The following MAPK8 variants were observed in gnomAD, a reference collection of about 807,000 sequenced individuals.
MAPK8 encodes the protein mitogen-activated protein kinase 8, also known as JUN N-terminal kinase.
Under a neutral mutation model 52.9 loss-of-function variants are expected in MAPK8, and 13 were observed. The observed-to-expected ratio is 0.25, with a 90% CI of 0.16 to 0.39. The LOEUF (loss-of-function observed/expected upper bound fraction) is 0.39, where lower values mean the gene tolerates loss of function less well. Among genes scored for constraint, MAPK8 ranks in the 10% least tolerant of loss-of-function variants. MAPK8 has a pLI of 1.00. For synonymous variants in MAPK8, 191 were observed against 169.8 expected (o/e 1.12, Z -0.97); for missense variants, 300 against 519.2 (o/e 0.58, Z 4.10).
rs2043018409 is a variant in MAPK8, at chr10:48,415,536, C to A, written c.451-4619C>A. Among the ~76,000 whole-genome samples, 5 of 152,310 alleles carry A rather than the reference C, an allele frequency of 3.3e-5. No homozygotes were observed. In the South Asian group the frequency reaches 1.0e-3, roughly 32 times the overall value. On this transcript the variant is annotated intron_variant, in intron 5 of 11. Transcript: ENST00000374189. ...GATTTTGGCAGCACACAAGGCTCAA[C>A]AACAACTGCGTATTTCCATAACACA...
chr10:48,407,926 A>G (rs755966367), intron 3 of MAPK8, among the ~76,000 whole-genome samples: 6 of 152,172 alleles, frequency 3.9e-5, no homozygotes, highest in Admixed American at 2.0e-4. Flanking sequence ...CCTATTGTGC[A>G]TTGCATGCGG....
At chr10:48,314,926 C>T (rs1176601668) in intron 1 of MAPK8, among the ~76,000 whole-genome samples, 3 of 152,152 alleles carry the variant, frequency 2.0e-5, no homozygotes, top group Non-Finnish European at 2.9e-5. Flanking sequence ...TCCATTTGTC[C>T]CTACACCATT....
At chr10:48,345,234 G>T (rs1031682123) in intron 1 of MAPK8, among the ~76,000 whole-genome samples, 4 of 152,106 alleles carry the variant, frequency 2.6e-5, no homozygotes, top group Non-Finnish European at 5.9e-5. Flanking sequence ...GGAACTTCCG[G>T]TTTCATTGCT....
chr10:48,391,542 G>A (rs374426806), intron 1 of MAPK8, among the ~76,000 whole-genome samples: 1 of 152,136 alleles, frequency 6.6e-6, no homozygotes, highest in Non-Finnish European at 1.5e-5. Flanking sequence ...AACTCAAAGT[G>A]CTTTTTTTCT....
chr10:48,311,341 G>A (rs1446630452), intron 1 of MAPK8, among the ~76,000 whole-genome samples: 1 of 152,222 alleles, frequency 6.6e-6, no homozygotes, highest in South Asian at 2.1e-4. Flanking sequence ...TTTAAAATTC[G>A]ATCATCTCAT....
chr10:48,357,866 T>C (rs1467649833), intron 1 of MAPK8, among the ~76,000 whole-genome samples: 1 of 152,204 alleles, frequency 6.6e-6, no homozygotes, highest in Non-Finnish European at 1.5e-5. Flanking sequence ...CTCATTCCCC[T>C]GTCCCATTTC....
chr10:48,318,693 G>A (rs1842722450), intron 1 of MAPK8, among the ~76,000 whole-genome samples: 1 of 152,088 alleles, frequency 6.6e-6, no homozygotes, highest in Non-Finnish European at 1.5e-5. Context: ...AAGAGTCTGA[G>A]GTATTAAAAA....
At chr10:48,381,134 ATAT>A (rs754272575) in intron 1 of MAPK8, among the ~76,000 whole-genome samples, 2 of 152,222 alleles carry the variant, frequency 1.3e-5, no homozygotes, top group African/African-American at 2.4e-5. Flanking sequence ...TTGTATCAGT[ATAT>A]TATTAATATT....
At chr10:48,333,371 C>T (rs558156668) in intron 1 of MAPK8, among the ~76,000 whole-genome samples, 68 of 152,226 alleles carry the variant, frequency 4.5e-4, no homozygotes, top group Non-Finnish European at 8.4e-4. Context: ...TCTCCTCTAC[C>T]AGCAGGTCTG....
In MAPK8 at chr10:48,341,583, G is replaced by C. The variant is rs1845267890; in HGVS notation, c.-50+34762G>C. Among the ~76,000 whole-genome samples the C allele has an allele frequency of 1.3e-5, 2 of 152,190 alleles. 1 individual carries two copies. Among genetic ancestry groups the C allele is most frequent in the Admixed American group, 1.3e-4 (2 of 15,274 alleles). On this transcript the variant is annotated intron_variant, in intron 1 of 11. Transcript: ENST00000374189. ...TATAGTAGATTTCATTTTTCAATTG[G>C]TAAATACTGTTTGGTGCTTATTATG...
chr10:48,424,585 C>T (rs576809977), intron 7 of MAPK8: 22 of 1,575,950 alleles, frequency 1.4e-5, no homozygotes, highest in Middle Eastern at 1.7e-4. Context: ...AGGTACAGAT[C>T]GTATCCTTAT....
intron 1 of MAPK8, among the ~76,000 whole-genome samples, chr10:48,379,787 AAT>A (rs1491184047): frequency 2.0e-5 from 3 of 152,140 alleles, no homozygotes; most frequent in African/African-American, 4.8e-5. Context: ...GAATTTTGGA[AAT>A]TTTTACCTAG....
At chr10:48,398,630 TATA>T (rs2042008024) in intron 1 of MAPK8, among the ~76,000 whole-genome samples, 1 of 152,212 alleles carries the variant, frequency 6.6e-6, no homozygotes, top group African/African-American at 2.4e-5. Context: ...CAGCATCATT[TATA>T]ATAACCCTAA....
chr10:48,431,287 G>A lies in MAPK8; in HGVS notation c.1138+17G>A. On this transcript the variant is annotated intron_variant, in intron 11 of 11. Transcript: ENST00000374189. Reference sequence around the variant, plus strand: ...CTCCTTTAGGTTGGTTACAATATAAGCTTGGTTAAGATTACAGTTTACTTC... The same window carrying A: ...CTCCTTTAGGTTGGTTACAATATAAACTTGGTTAAGATTACAGTTTACTTC... The A allele has an allele frequency of 6.4e-7, 1 of 1,571,854 alleles. No individual in the cohort carries two copies. Among genetic ancestry groups the A allele is most frequent in the Non-Finnish European group, 8.7e-7 (1 of 1,145,088 alleles).
intron 1 of MAPK8, among the ~76,000 whole-genome samples, chr10:48,355,886 A>C (rs1004476507): frequency 4.6e-5 from 7 of 152,212 alleles, no homozygotes; most frequent in Non-Finnish European, 7.3e-5. Context: ...AGGAAGACAG[A>C]TTTACCGTGA....
chr10:48,406,220 A>G (rs1163175518), intron 3 of MAPK8, among the ~76,000 whole-genome samples: 1 of 152,166 alleles, frequency 6.6e-6, no homozygotes, highest in Non-Finnish European at 1.5e-5. Context: ...AACTTAGATA[A>G]TAATAGGGAG....
intron 1 of MAPK8, among the ~76,000 whole-genome samples, chr10:48,371,823 G>A (rs188715659): frequency 1.6e-4 from 25 of 152,156 alleles, no homozygotes; most frequent in Non-Finnish European, 3.1e-4. Context: ...CCCATGATCC[G>A]CTCCTTGGGT....
At position 48,424,439 on chromosome 10, in the gene MAPK8, G is replaced by A. The variant is rs143558627; in HGVS notation, c.688+280G>A. On this transcript the variant is annotated intron_variant, in intron 7 of 11. Transcript: ENST00000374189. ...TAATTTTAAAGTATACATGGTGTGTGTGATTTTATTTCTTTCTTTTTTTTT... is the reference window on the plus strand; with the variant it reads ...TAATTTTAAAGTATACATGGTGTGTATGATTTTATTTCTTTCTTTTTTTTT... 1.2e-4 allele frequency: 111 copies of A among 959,224 alleles called. No individual in the cohort carries two copies. The African/African-American group carries it at 1.7e-3, about 15-fold the overall frequency. The allele number at this position is 959,224 out of a possible 1,614,324, so 59.4% of individuals were successfully genotyped here.
intron 1 of MAPK8, among the ~76,000 whole-genome samples, chr10:48,340,260 G>A (rs1370523848): frequency 6.6e-6 from 1 of 152,168 alleles, no homozygotes; most frequent in African/African-American, 2.4e-5. Context: ...CAACGTGGAT[G>A]CAGCTGGAGG....
Sources: gnomAD v4.1 joint callset for allele counts (sites outside exome capture counted in the v4.1 genomes callset) on GRCh38, gnomAD v4.1.1 for gene constraint, MANE v1.5 for transcripts, NCBI Gene and HGNC (gene_info 2026-07-23, HGNC 2026-07-21) for gene names.